The following NCOA3 variants were observed in gnomAD, a reference collection of about 807,000 sequenced individuals.
NCOA3 encodes the protein CBP-interacting protein.
Under a neutral mutation model 158.8 loss-of-function variants are expected in NCOA3, and 51 were observed. That is an observed-to-expected ratio of 0.32 (90% CI 0.26 to 0.41). The LOEUF (loss-of-function observed/expected upper bound fraction) is 0.41, where lower values mean the gene tolerates loss of function less well. Ranked by LOEUF, NCOA3 falls within the 10% of genes least tolerant of loss-of-function variation. The pLI is 1.00. For synonymous variants in NCOA3, 537 were observed against 592.4 expected (o/e 0.91, Z 1.36); for missense variants, 1,510 against 1,746.6 (o/e 0.86, Z 2.41).
intron 20 of NCOA3, among the ~76,000 whole-genome samples, chr20:47,651,883 G>T (rs1274335123): frequency 1.3e-5 from 2 of 151,746 alleles, no homozygotes; most frequent in African/African-American, 4.8e-5. Flanking sequence ...AGCCAGGATG[G>T]TCTCGATCTC....
intron 1 of NCOA3, among the ~76,000 whole-genome samples, chr20:47,532,491 A>G (rs888772931): frequency 6.6e-6 from 1 of 152,204 alleles, no homozygotes; most frequent in African/African-American, 2.4e-5. Flanking sequence ...ATAATAGCAT[A>G]TAAATGCATG....
intron 2 of NCOA3, among the ~76,000 whole-genome samples, chr20:47,613,842 C>T (rs185510739): frequency 1.3e-5 from 2 of 151,060 alleles, no homozygotes; most frequent in Non-Finnish European, 2.9e-5. Context: ...ACCTGGGAGG[C>T]GGAGGTTGCA....
At position 47,553,644 on chromosome 20, in the gene NCOA3, C is replaced by A. The variant is rs556962270; in HGVS notation, c.-98-29539C>A. Among the ~76,000 whole-genome samples the A allele has an allele frequency of 4.8e-4, 70 of 146,780 alleles. 1 individual carries two copies. The Middle Eastern group carries it at 0.01, about 22-fold the overall frequency. ...ATTCCCACCTATGAGTGAGAACATG[C>A]GGTGTTTGGTTTTTTGTCCTTGCGA... On this transcript the variant is annotated intron_variant, in intron 1 of 22. Coordinates refer to ENST00000371998, the MANE Select transcript of NCOA3 (RefSeq NM_181659.3).
At chr20:47,567,285 A>T (rs1307905550) in intron 1 of NCOA3, among the ~76,000 whole-genome samples, 1 of 151,768 alleles carries the variant, frequency 6.6e-6, no homozygotes, top group Non-Finnish European at 1.5e-5. Flanking sequence ...TGACCTTGTG[A>T]TCCCCCCGCC....
intron 1 of NCOA3, among the ~76,000 whole-genome samples, chr20:47,570,982 A>ATG (rs1224807146): frequency 8.7e-5 from 7 of 80,450 alleles, no homozygotes; most frequent in African/African-American, 2.4e-4. Flanking sequence ...GTATATACAT[A>ATG]TATGTGTGTG....
At position 47,511,550 on chromosome 20, in the gene NCOA3, T is replaced by TATATATATATATATATATGCAC; in HGVS notation, c.-99+9537_-99+9538insATATATATATATGCACATATAT. On this transcript the variant is annotated intron_variant, in intron 1 of 22. Transcript: ENST00000371998. ...ATATATATATATATATATATATATA[T>TATATATATATATATATATGCAC]ATATATTTCTTTTTTTTTTTGAGAC... Among the ~76,000 whole-genome samples the TATATATATATATATATATGCAC allele has an allele frequency of 5.7e-5, 3 of 52,270 alleles. 1 individual carries two copies. Among genetic ancestry groups the TATATATATATATATATATGCAC allele is most frequent in the African/African-American group, 1.1e-4 (2 of 18,652 alleles). 34.3% of individuals were successfully genotyped at this position (52,270 alleles called of 152,430 possible).
rs777872962 is a variant in NCOA3, at chr20:47,627,131, G to A, written c.487G>A (p.Glu163Lys). The part of the protein sequence containing the change: ...VNTSVYNILH[E>K]EDRKDFLKNL... ...CACAAGTGTTTACAATATCTTACAT[G>A]AAGAAGACAGAAAGGATTTTCTTAA... is the stretch of plus-strand genomic sequence containing the variant. Residue 163 changes from glutamate (E) to lysine (K), a missense_variant, in exon 6 of 23, where the codon GAA becomes AAA. Glu to Lys is a moderately conservative substitution (Grantham distance 56). Transcript: ENST00000371998. The A allele has an allele frequency of 1.4e-5, 22 of 1,610,404 alleles. No individual in the cohort carries two copies. In the East Asian group the frequency reaches 4.0e-4, roughly 29 times the overall value.
chr20:47,559,259 C>T (rs1290933101), intron 1 of NCOA3, among the ~76,000 whole-genome samples: 1 of 152,124 alleles, frequency 6.6e-6, no homozygotes, highest in African/African-American at 2.4e-5. Context: ...CCCTTACTGG[C>T]AAGGCACTTC....
At chr20:47,567,018 ATG>A (rs1485250965) in intron 1 of NCOA3, among the ~76,000 whole-genome samples, 33 of 136,228 alleles carry the variant, frequency 2.4e-4, no homozygotes, top group South Asian at 1.2e-3. Context: ...AGTACTATGT[ATG>A]TATGTATGTA....
chr20:47,525,615 G>GC (rs2084421031), intron 1 of NCOA3, among the ~76,000 whole-genome samples: 1 of 127,500 alleles, frequency 7.8e-6, no homozygotes, highest in African/African-American at 3.8e-5. Flanking sequence ...GCGGGGGGCT[G>GC]ACCCCCCCAC....
At chr20:47,538,510 G>T (rs1454977691) in intron 1 of NCOA3, among the ~76,000 whole-genome samples, 1 of 152,034 alleles carries the variant, frequency 6.6e-6, no homozygotes, top group African/African-American at 2.4e-5. Flanking sequence ...CCTCCTTAAA[G>T]AAGTTTGTGT....
rs2086506877 is a variant in NCOA3, at chr20:47,635,974, A to G, written c.1588A>G (p.Ser530Gly). Residue 530 changes from serine (S) to glycine (G), a missense_variant, in exon 12 of 23, where the codon AGT becomes GGT. By Grantham distance (56) the Ser-to-Gly change is moderately conservative. Around this residue, in one of 4 missense-constraint regions of NCOA3, gnomAD observed 1,017 missense variants for 1,098.3 expected, o/e 0.93. Coordinates refer to ENST00000371998, the MANE Select transcript of NCOA3 (RefSeq NM_181659.3). ...CTCTCTCAGTGCCCTGCAAGCCATC[A>G]GTGAAGGTGTGGGGACTTCCCTTTT... Reference protein sequence around the residue: ...SSSLSALQAISEGVGTSLLST... With the variant: ...SSSLSALQAIGEGVGTSLLST... The G allele has an allele frequency of 6.2e-7, 1 of 1,614,088 alleles. No individual in the cohort carries two copies. Among genetic ancestry groups the G allele is most frequent in the Admixed American group, 1.7e-5 (1 of 60,018 alleles).
chr20:47,560,808 C>T (rs992585462), intron 1 of NCOA3, among the ~76,000 whole-genome samples: 4 of 151,952 alleles, frequency 2.6e-5, no homozygotes, highest in African/African-American at 7.2e-5. Context: ...ATTTTTCTCA[C>T]GATCTGGCTT....
intron 2 of NCOA3, among the ~76,000 whole-genome samples, chr20:47,593,173 T>C (rs2146242974): frequency 6.6e-6 from 1 of 152,048 alleles, no homozygotes; most frequent in Admixed American, 6.5e-5. Flanking sequence ...CCTCAGGTGA[T>C]CCACCTGCCT....
chr20:47,620,322 G>C (rs1306829535), intron 2 of NCOA3, among the ~76,000 whole-genome samples: 6 of 152,288 alleles, frequency 3.9e-5, no homozygotes, highest in African/African-American at 1.4e-4. Flanking sequence ...GTGTTGCACA[G>C]ATTGGTCTCA....
At chr20:47,525,644 G>T (rs1397168284) in intron 1 of NCOA3, among the ~76,000 whole-genome samples, 1 of 139,100 alleles carries the variant, frequency 7.2e-6, no homozygotes, top group East Asian at 2.2e-4. Flanking sequence ...CGGACGGGGC[G>T]GCTGGCCGGA....
At chr20:47,652,685 C>G (rs2086815429) in intron 21 of NCOA3, 105 bp downstream of exon 21, 1 of 1,169,276 alleles carries the variant, frequency 8.6e-7, no homozygotes, top group African/African-American at 1.5e-5. Flanking sequence ...GTTGAAAGGA[C>G]TGGGTTCATA....
intron 1 of NCOA3, among the ~76,000 whole-genome samples, chr20:47,536,656 A>C (rs1413728006): frequency 1.3e-5 from 2 of 151,862 alleles, no homozygotes; most frequent in African/African-American, 4.8e-5. Context: ...TTGAGTTCTT[A>C]TTTATTTGTT....
At chr20:47,634,221 A>AATGATGATGTATGCAAATCATCAAATGC in intron 10 of NCOA3, 26 bp downstream of exon 10, 4 of 1,597,160 alleles carry the variant, frequency 2.5e-6, no homozygotes, top group Non-Finnish European at 3.4e-6. Context: ...TGTGTATTCT[A>AATGATGATGTATGCAAATCATCAAATGC]ATACAAAATG....
Sources: allele counts gnomAD v4.1 joint callset (sites outside exome capture counted in the v4.1 genomes callset), GRCh38; gene constraint gnomAD v4.1.1; regional missense constraint gnomAD v4.1.1; transcripts MANE v1.5; gene names NCBI Gene and HGNC (gene_info 2026-07-23, HGNC 2026-07-21).